Variants in TNK2 observed in about 807,000 individuals in gnomAD.
TNK2 encodes activated CDC42 kinase 1.
Under a neutral mutation model 101.8 loss-of-function variants are expected in TNK2, and 83 were observed. The observed-to-expected ratio is 0.82, with a 90% confidence interval of 0.68 to 0.98. The LOEUF (loss-of-function observed/expected upper bound fraction) is 0.98. TNK2 is among the 50% of genes least tolerant of loss of function. TNK2 has a pLI of 0.00. For synonymous variants in TNK2, 804 were observed against 633.0 expected, an observed-to-expected ratio of 1.27 and a Z score of -4.06; for missense variants, 1,665 against 1,483.2, an observed-to-expected ratio of 1.12 and a Z score of -2.01.
At chr3:195,898,337 T>G (rs534172084) in intron 1 of TNK2, among the ~76,000 whole-genome samples, 1 of 152,216 alleles carries the variant, frequency 6.6e-6, no homozygotes, top group African/African-American at 2.4e-5. Context: ...CTGGGCAACT[T>G]TTGAGCAAAC....
intron 1 of TNK2, chr3:195,892,283 C>G: frequency 1.0e-6 from 1 of 966,580 alleles, no homozygotes; most frequent in Non-Finnish European, 1.5e-6. Flanking sequence ...TTGGCCCGGA[C>G]TCCCCGTCAA....
rs1197814036 is a variant in TNK2, at chr3:195,865,347, G to A, written c.3162-1160C>T. Among the ~76,000 whole-genome samples, 70 of 86,810 alleles carry A rather than the reference G, an allele frequency of 8.1e-4. No homozygotes were observed. In the Middle Eastern group the frequency reaches 0.036, roughly 44 times the overall value. 57.0% of individuals were successfully genotyped at this position (86,810 alleles called of 152,430 possible). ...AGGTGACAGCGAGTGCCTGCGTCCCGGGTGCAAATCAGTAAGAACCACCCG... is the reference window on the plus strand; with the variant it reads ...AGGTGACAGCGAGTGCCTGCGTCCCAGGTGCAAATCAGTAAGAACCACCCG... On this transcript the variant is annotated intron_variant, in intron 15 of 15. Transcript: ENST00000672887.
At position 195,867,493 on chromosome 3, in the gene TNK2, C is replaced by A. The variant is rs770833433; in HGVS notation, c.2805G>T (p.Lys935Asn). ...TGCTGTTGTTGGTGGAGAAGTTGGC[C>A]TTGGGGTCCAAGGCAGCCTGGGGCA... ...RPMPQAALDP[K>N]ANFSTNNSNP... The change falls in exon 13 of 16, where the codon AAG becomes AAT. Residue 935 changes from lysine (K) to asparagine (N), a missense_variant. Lys to Asn is a moderately conservative substitution (Grantham distance 94). This residue lies in a region of TNK2 where 1,136 missense variants were observed against 894.9 expected (regional missense o/e 1.27). Coordinates refer to ENST00000672887, the MANE Select transcript of TNK2 (RefSeq NM_001382273.1). The A allele has an allele frequency of 6.4e-7, 1 of 1,569,396 alleles. No homozygotes were observed.
At chr3:195,869,295 A>C in intron 12 of TNK2, 1 of 628,276 alleles carries the variant, frequency 1.6e-6, no homozygotes, top group Non-Finnish European at 2.8e-6. Flanking sequence ...CCAGGGCCAC[A>C]CTCGTGAGCA....
At chr3:195,873,050 G>C (rs930856198) in intron 9 of TNK2, among the ~76,000 whole-genome samples, 1 of 152,076 alleles carries the variant, frequency 6.6e-6, no homozygotes, top group Non-Finnish European at 1.5e-5. Context: ...AGGAGCACTC[G>C]GGCAACTCAG....
Position 195,882,034 on chromosome 3 carries a change from C to CAGCACCT in TNK2, c.887+10_887+16dup. ...GGTCTGCAGGGACTCTGTGAGCTGG[C>CAGCACCT]AGCACCTGCCCCTCACCAGGCGAAG... On this transcript the variant is annotated intron_variant, in intron 6 of 15. Coordinates refer to ENST00000672887, the MANE Select transcript of TNK2 (RefSeq NM_001382273.1). This position sits in a 1 kb window ranked among gnomAD's most constrained non-coding sequence, Gnocchi z 4.2. 1 of 1,599,086 alleles carries CAGCACCT rather than the reference C, an allele frequency of 6.3e-7. No individual in the cohort carries two copies. Among genetic ancestry groups the CAGCACCT allele is most frequent in the Non-Finnish European group, 8.5e-7 (1 of 1,170,202 alleles).
chr3:195,864,486 G>A (rs1005524401), intron 15 of TNK2, among the ~76,000 whole-genome samples: 3 of 146,218 alleles, frequency 2.1e-5, no homozygotes, highest in Non-Finnish European at 4.5e-5. Flanking sequence ...CAGGTGACAC[G>A]GAGTGCCTGC....
Position 195,886,971 on chromosome 3 carries a change from A to C in TNK2, c.234+6T>G. On this transcript the variant is annotated splice_donor_region_variant and intron_variant, in intron 3 of 15. Coordinates refer to ENST00000672887, the MANE Select transcript of TNK2 (RefSeq NM_001382273.1). This position sits in a 1 kb window ranked among gnomAD's most constrained non-coding sequence, Gnocchi z 4.2. ...CTCCCACCTCCTCACCCACCTCCTCACCCACCTTACTCATCCACGACTTGC... is the reference window on the plus strand; with the variant it reads ...CTCCCACCTCCTCACCCACCTCCTCCCCCACCTTACTCATCCACGACTTGC... 1 of 1,613,318 alleles carries C rather than the reference A, an allele frequency of 6.2e-7. No homozygotes were observed. Among genetic ancestry groups the C allele is most frequent in the East Asian group, 2.2e-5 (1 of 44,830 alleles).
chr3:195,872,556 G>A (rs1746190553), intron 9 of TNK2, 86 bp from the exon 10 acceptor site: 2 of 1,379,982 alleles, frequency 1.4e-6, no homozygotes, highest in Admixed American at 4.9e-5. Flanking sequence ...GGCCACTGTG[G>A]CAGAAGGGGG....
Position 195,888,440 on chromosome 3 carries a change from C to T in TNK2, c.149G>A (p.Gly50Asp). Residue 50 changes from glycine (G) to aspartate (D), a missense_variant, in exon 2 of 16, where the codon GGC (glycine) becomes GAC (aspartate). Gly to Asp is a moderately conservative substitution (Grantham distance 94). Transcript: ENST00000672887. This position sits in a 1 kb window ranked among gnomAD's most constrained non-coding sequence, Gnocchi z 5.3. Reference sequence around the variant, plus strand: ...ATCCCACCTACCAGGCCGACCCATGCCGATCTTCTCCAGGTCCTCATTCTT... The same window carrying T: ...ATCCCACCTACCAGGCCGACCCATGTCGATCTTCTCCAGGTCCTCATTCTT... ...YVKNEDLEKI[G>D]MGRPGQRRLW... The T allele has an allele frequency of 6.2e-7, 1 of 1,613,654 alleles. No individual in the cohort carries two copies. Among genetic ancestry groups the T allele is most frequent in the Non-Finnish European group, 8.5e-7 (1 of 1,179,716 alleles).
In TNK2 at chr3:195,885,384, C is replaced by G; in HGVS notation, c.235-351G>C. 6 of 1,350,690 alleles carry G rather than the reference C, an allele frequency of 4.4e-6. No individual in the cohort carries two copies. Among genetic ancestry groups the G allele is most frequent in the Non-Finnish European group, 5.8e-6 (6 of 1,030,840 alleles). 83.7% of individuals were successfully genotyped at this position (1,350,690 alleles called of 1,614,324 possible). A position where few individuals can be genotyped will look rare whatever the true frequency, so the allele number is the denominator to read the frequency against. On this transcript the variant is annotated intron_variant, in intron 3 of 15. Transcript: ENST00000672887. The surrounding 1 kb of genome is among the most constrained non-coding windows in gnomAD (Gnocchi z 4.7). The stretch of plus-strand genomic sequence containing the variant: ...TCCTGCCCCACCCTCCCTTCCTGCA[C>G]CCGCCACCCCGCAGACTCCAGCCCT...
intron 1 of TNK2, chr3:195,895,247 TGC>T (rs771302838): frequency 6.5e-7 from 1 of 1,542,792 alleles, no homozygotes; most frequent in South Asian, 1.2e-5. Context: ...CCCCATTACC[TGC>T]GGTCCCTCCT....
chr3:195,887,854 GTC>G (rs775303596), intron 2 of TNK2, among the ~76,000 whole-genome samples: 12 of 138,248 alleles, frequency 8.7e-5, no homozygotes, highest in East Asian at 2.1e-4. Context: ...GTGTGTGCGT[GTC>G]TGTGTGCGCA....
intron 1 of TNK2, 53 bp downstream of exon 1, chr3:195,908,432 G>A (rs1761978384): frequency 6.6e-6 from 1 of 152,582 alleles, no homozygotes; most frequent in African/African-American, 2.4e-5. Flanking sequence ...GGGACCTGCA[G>A]CCTCTCACTT....
chr3:195,867,112 C>A, intron 14 of TNK2, 57 bp downstream of exon 14: 1 of 1,607,926 alleles, frequency 6.2e-7, no homozygotes, highest in Non-Finnish European at 8.5e-7. Context: ...GGGCTGGGGG[C>A]AGCAGAACCA....
At chr3:195,899,729 C>T (rs1261372094) in intron 1 of TNK2, among the ~76,000 whole-genome samples, 1 of 152,220 alleles carries the variant, frequency 6.6e-6, no homozygotes, top group Non-Finnish European at 1.5e-5. Flanking sequence ...GCTGAAGGAG[C>T]GGTCTGTATA....
chr3:195,887,205 G>C (rs182584560), intron 2 of TNK2, among the ~76,000 whole-genome samples, 158 bp from the exon 3 acceptor site: 2 of 152,228 alleles, frequency 1.3e-5, no homozygotes, highest in African/African-American at 4.8e-5. Flanking sequence ...TCAACTGACC[G>C]ACGGTCTCTG....
rs1754892772 is a variant in TNK2 at position 195,884,865 on chromosome 3, C to A, written c.403G>T (p.Gly135Cys). 6.2e-7 allele frequency: 1 copy of A among 1,613,606 alleles called. No individual in the cohort carries two copies. Among genetic ancestry groups the A allele is most frequent in the African/African-American group, 1.3e-5 (1 of 74,932 alleles). ...DLRLLEKLGD[G>C]SFGVVRRGEW... ...CCCCTGCGCACCACGCCAAAGGAAC[C>A]ATCACCCAGCTTCTCCAGGAGGCGC... Residue 135 changes from glycine (G) to cysteine (C), a missense_variant, in exon 4 of 16, where the codon GGT (glycine) becomes TGT (cysteine). By Grantham distance (159) the Gly-to-Cys change is radical (BLOSUM62 -3). Coordinates refer to ENST00000672887, the MANE Select transcript of TNK2 (RefSeq NM_001382273.1).
intron 1 of TNK2, chr3:195,896,065 A>C (rs1324692923): frequency 2.6e-5 from 12 of 455,204 alleles, no homozygotes; most frequent in Non-Finnish European, 5.3e-5. Context: ...CCTTGACTTC[A>C]GAGCGGTGAC....
Sources: allele counts gnomAD v4.1 joint callset (sites outside exome capture counted in the v4.1 genomes callset), GRCh38; gene constraint gnomAD v4.1.1; regional missense constraint gnomAD v4.1.1; non-coding constraint Gnocchi (gnomAD v3.1); transcripts MANE v1.5; gene names NCBI Gene and HGNC (gene_info 2026-07-23, HGNC 2026-07-21).